The following TRIM44 variants were observed in gnomAD, a reference collection of about 807,000 sequenced individuals.
The protein encoded by TRIM44 is tripartite motif-containing protein 44.
TRIM44 carries 13 observed loss-of-function variants against 37.4 expected under a neutral mutation model. The ratio of observed to expected loss-of-function variants is 0.35; its 90% confidence interval spans 0.23 to 0.55. The LOEUF is 0.55. Ranked by LOEUF, TRIM44 falls within the 20% of genes least tolerant of loss-of-function variation. The pLI, the probability that TRIM44 is intolerant of heterozygous loss-of-function variation, is 0.89. For missense variants in TRIM44, 426 were observed against 437.2 expected, an observed-to-expected ratio of 0.97 and a Z score of 0.23; for synonymous variants, 175 against 157.2, an observed-to-expected ratio of 1.11 and a Z score of -0.85.
chr11:35,717,847 A>G (rs1381902735), intron 2 of TRIM44, among the ~76,000 whole-genome samples: 3 of 152,018 alleles, frequency 2.0e-5, no homozygotes, highest in African/African-American at 4.8e-5. Context: ...TTTTTATTAT[A>G]AAAAATGAAA....
intron 4 of TRIM44, among the ~76,000 whole-genome samples, chr11:35,765,197 T>A (rs1419260055): frequency 6.6e-6 from 1 of 152,168 alleles, no homozygotes; most frequent in East Asian, 1.9e-4. Flanking sequence ...ACAGAGCTCA[T>A]GGGCCTTGAT....
rs147899549 is a variant in TRIM44 at position 35,772,440 on chromosome 11, A to G, written c.1008-33918A>G. On this transcript the variant is annotated intron_variant, in intron 4 of 4. Transcript: ENST00000299413. Reference sequence around the variant, plus strand: ...CACTTGGAAAAGTCACAGACACTCAATGGCAGCCCATGAAGGCAGCTGGTA... The same window carrying G: ...CACTTGGAAAAGTCACAGACACTCAGTGGCAGCCCATGAAGGCAGCTGGTA... Among the ~76,000 whole-genome samples the G allele has an allele frequency of 6.5e-4, 99 of 152,320 alleles. 2 individuals carry two copies. The East Asian group carries it at 0.018, about 28-fold the overall frequency.
At chr11:35,670,516 A>G (rs750108907) in intron 1 of TRIM44, among the ~76,000 whole-genome samples, 1 of 152,076 alleles carries the variant, frequency 6.6e-6, no homozygotes, top group Non-Finnish European at 1.5e-5. Flanking sequence ...GTTTTGGGAG[A>G]ATATAATATT....
intron 4 of TRIM44, among the ~76,000 whole-genome samples, chr11:35,804,630 C>T (rs1033347912): frequency 2.0e-5 from 3 of 152,164 alleles, no homozygotes; most frequent in African/African-American, 7.2e-5. Flanking sequence ...CCAGTTCCAG[C>T]TCTGCCTTGA....
chr11:35,776,025 G>T (rs1271260669), intron 4 of TRIM44, among the ~76,000 whole-genome samples: 1 of 151,842 alleles, frequency 6.6e-6, no homozygotes, highest in Non-Finnish European at 1.5e-5. Context: ...TTATTGATTG[G>T]AATAGTTTCA....
At chr11:35,692,009 G>C (rs1374941750) in intron 2 of TRIM44, among the ~76,000 whole-genome samples, 1 of 152,140 alleles carries the variant, frequency 6.6e-6, no homozygotes, top group Admixed American at 6.6e-5. Flanking sequence ...AGTTTCTATT[G>C]AATGTGTAGC....
intron 2 of TRIM44, among the ~76,000 whole-genome samples, chr11:35,704,514 AG>A (rs1851845437): frequency 6.6e-6 from 1 of 152,216 alleles, no homozygotes; most frequent in African/African-American, 2.4e-5. Flanking sequence ...CCAGAGAGAA[AG>A]GTCGGGTTAC....
chr11:35,706,649 CA>C (rs1399315759), intron 2 of TRIM44, among the ~76,000 whole-genome samples: 1 of 151,908 alleles, frequency 6.6e-6, no homozygotes, highest in Admixed American at 6.6e-5. Flanking sequence ...TAAACAGAAC[CA>C]AAGACAAAAA....
At chr11:35,740,973 A>G (rs973683591) in intron 4 of TRIM44, among the ~76,000 whole-genome samples, 9 of 152,098 alleles carry the variant, frequency 5.9e-5, no homozygotes, top group Admixed American at 1.3e-4. Context: ...GTTCTTAGAT[A>G]TGGCATTTCT....
intron 2 of TRIM44, among the ~76,000 whole-genome samples, chr11:35,719,863 C>T (rs1187580922): frequency 6.6e-6 from 1 of 152,042 alleles, no homozygotes; most frequent in Non-Finnish European, 1.5e-5. Flanking sequence ...ACATATGTAC[C>T]TGGGTCATTT....
At chr11:35,758,658 T>C (rs1852681365) in intron 4 of TRIM44, among the ~76,000 whole-genome samples, 1 of 152,116 alleles carries the variant, frequency 6.6e-6, no homozygotes, top group African/African-American at 2.4e-5. Context: ...TTTCCATGTT[T>C]AGTGCTTCCT....
At chr11:35,694,888 G>T (rs898098119) in intron 2 of TRIM44, among the ~76,000 whole-genome samples, 8 of 152,058 alleles carry the variant, frequency 5.3e-5, no homozygotes, top group African/African-American at 1.9e-4. Flanking sequence ...ACTGTCCTCA[G>T]TGAACCATAA....
chr11:35,701,967 T>C (rs1851794025), intron 2 of TRIM44, among the ~76,000 whole-genome samples: 1 of 152,178 alleles, frequency 6.6e-6, no homozygotes, highest in Admixed American at 6.5e-5. Flanking sequence ...TACTACACTA[T>C]AACCCTGGGG....
At chr11:35,764,751 A>T (rs142718879) in intron 4 of TRIM44, among the ~76,000 whole-genome samples, 1 of 152,302 alleles carries the variant, frequency 6.6e-6, no homozygotes, top group Non-Finnish European at 1.5e-5. Flanking sequence ...AGTGGCCATC[A>T]ACCAGTATAT....
intron 2 of TRIM44, among the ~76,000 whole-genome samples, chr11:35,719,024 G>A (rs184413910): frequency 6.6e-6 from 1 of 152,118 alleles, no homozygotes; most frequent in African/African-American, 2.4e-5. Flanking sequence ...CTGCAGTTAT[G>A]AATAAAAGTT....
intron 2 of TRIM44, among the ~76,000 whole-genome samples, chr11:35,699,302 G>C (rs779813977): frequency 6.6e-6 from 1 of 151,960 alleles, no homozygotes; most frequent in Admixed American, 6.6e-5. Flanking sequence ...TTCAACATAC[G>C]CAAATCAATA....
At chr11:35,767,160 GTATGGCCTC>G (rs1231589576) in intron 4 of TRIM44, among the ~76,000 whole-genome samples, 2 of 152,150 alleles carry the variant, frequency 1.3e-5, no homozygotes, top group African/African-American at 4.8e-5. Flanking sequence ...GTGTGTGTCA[GTATGGCCTC>G]CAGGCATGAT....
rs563820856 is a variant in TRIM44, at chr11:35,814,838, A to G, written c.*8453A>G. On this transcript the variant is annotated 3_prime_UTR_variant, in exon 5 of 5. Coordinates refer to ENST00000299413, the MANE Select transcript of TRIM44 (RefSeq NM_017583.6). ...TCTTAACAGCAGAGGGGATTAAATC[A>G]TGATTCACTTCTGAACAGTACAATC... 23 of 152,294 alleles carry G rather than the reference A, an allele frequency of 1.5e-4. No homozygotes were observed. The highest frequency in any genetic ancestry group is 5.1e-4 in the African/African-American group (21 of 41,562). The allele number at this position is 152,294 out of a possible 1,614,324, so 9.4% of individuals were successfully genotyped here.
intron 1 of TRIM44, among the ~76,000 whole-genome samples, chr11:35,681,586 AT>A (rs1399218339): frequency 6.6e-6 from 1 of 152,196 alleles, no homozygotes; most frequent in Non-Finnish European, 1.5e-5. Flanking sequence ...TAGCAGGGGA[AT>A]CCTACTACTT....
Sources: gnomAD v4.1 joint callset for allele counts (sites outside exome capture counted in the v4.1 genomes callset) on GRCh38, gnomAD v4.1.1 for gene constraint, MANE v1.5 for transcripts, NCBI Gene and HGNC (gene_info 2026-07-23, HGNC 2026-07-21) for gene names.